TMTC1: variants seen among roughly 807,000 people sequenced by gnomAD.
TMTC1 encodes protein O-mannosyl-transferase TMTC1.
Under a neutral mutation model 104.8 loss-of-function variants are expected in TMTC1, and 73 were observed. That is an observed-to-expected ratio of 0.70 (90% CI 0.58 to 0.85). The LOEUF (loss-of-function observed/expected upper bound fraction) is 0.85, where lower values mean the gene tolerates loss of function less well. TMTC1 is among the 40% of genes least tolerant of loss of function. TMTC1 has a pLI of 0.00. For missense variants in TMTC1, 1,035 were observed against 1,096.1 expected (o/e 0.94, Z 0.79); for synonymous variants, 434 against 428.7 (o/e 1.01, Z -0.15).
In TMTC1 at chr12:29,613,903, C is replaced by A; in HGVS notation, c.1129-9604G>T. ...TTTTACTTTTTCACAAAGCAAGTCA[C>A]ACTCACCAAAATGCATGATTCATCT... On this transcript the variant is annotated intron_variant, in intron 6 of 17. Transcript: ENST00000539277. The A allele has an allele frequency of 4.1e-6, 4 of 969,878 alleles. No homozygotes were observed. In the South Asian group the frequency reaches 1.9e-4, roughly 46 times the overall value. The allele number at this position is 969,878 out of a possible 1,614,324, so 60.1% of individuals were successfully genotyped here. A position where few individuals can be genotyped will look rare whatever the true frequency, so the allele number is the denominator to read the frequency against.
At chr12:29,592,062 T>C (rs1470789124) in intron 7 of TMTC1, among the ~76,000 whole-genome samples, 1 of 152,192 alleles carries the variant, frequency 6.6e-6, no homozygotes, top group Non-Finnish European at 1.5e-5. Flanking sequence ...ACAAAGAGTA[T>C]CTTTCTGCTA....
At chr12:29,773,320 G>T (rs1305100832) in intron 1 of TMTC1, among the ~76,000 whole-genome samples, 2 of 152,182 alleles carry the variant, frequency 1.3e-5, no homozygotes, top group Non-Finnish European at 2.9e-5. Context: ...AGAAAGAGTT[G>T]TTGGCTGCCC....
intron 5 of TMTC1, among the ~76,000 whole-genome samples, chr12:29,747,426 T>C (rs1354508684): frequency 6.6e-6 from 1 of 152,168 alleles, no homozygotes; most frequent in Non-Finnish European, 1.5e-5. Flanking sequence ...CACATAAAAA[T>C]AGGCAAACTA....
intron 7 of TMTC1, among the ~76,000 whole-genome samples, chr12:29,587,799 C>T (rs992065996): frequency 1.3e-5 from 2 of 152,106 alleles, no homozygotes; most frequent in Non-Finnish European, 2.9e-5. Context: ...CTGGCAATAT[C>T]CTAGGCACTA....
chr12:29,634,579 G>A (rs530100173), intron 5 of TMTC1, among the ~76,000 whole-genome samples: 77 of 152,234 alleles, frequency 5.1e-4, no homozygotes, highest in African/African-American at 1.9e-3. Context: ...GAGTGAAATC[G>A]GTGTTCACTG....
At position 29,506,580 on chromosome 12, in the gene TMTC1, A is replaced by G; in HGVS notation, c.*266T>C. 2.4e-6 allele frequency: 1 copy of G among 411,584 alleles called. No homozygotes were observed. The highest frequency in any genetic ancestry group is 3.4e-5 in the South Asian group (1 of 29,138). The allele number at this position is 411,584 out of a possible 1,614,324, so 25.5% of individuals were successfully genotyped here. On this transcript the variant is annotated 3_prime_UTR_variant, in exon 18 of 18. Transcript: ENST00000539277. ...TATATCAAGAGAAATCTGGAGTTAA[A>G]CCAAACAAAAATCTGTAAAATGTGT...
rs567149812 is a variant in TMTC1, at chr12:29,548,463, G to A, written c.1676+8394C>T. Among the ~76,000 whole-genome samples the A allele has an allele frequency of 5.3e-5, 8 of 152,162 alleles. No individual in the cohort carries two copies. The South Asian group carries it at 1.5e-3, about 28-fold the overall frequency. ...CCCGGTGGGAAGTAATTGGATCATG[G>A]GGGCAGGTTTTCCCCATGTTGTTGC... On this transcript the variant is annotated intron_variant, in intron 10 of 17. Transcript: ENST00000539277.
At chr12:29,754,090 C>A (rs1592013869) in intron 4 of TMTC1, among the ~76,000 whole-genome samples, 1 of 151,728 alleles carries the variant, frequency 6.6e-6, no homozygotes, top group Non-Finnish European at 1.5e-5. Context: ...TGGTCTCTAT[C>A]TCCTGATCTC....
In TMTC1 at chr12:29,529,814, C is replaced by A. The variant is rs2288132; in HGVS notation, c.1785+6395G>T. The A allele has an allele frequency of 2.0e-5, 3 of 151,970 alleles. No individual in the cohort carries two copies. The East Asian group carries it at 5.8e-4, about 30-fold the overall frequency. 9.4% of individuals were successfully genotyped at this position (151,970 alleles called of 1,614,324 possible). On this transcript the variant is annotated intron_variant, in intron 11 of 17. Transcript: ENST00000539277. Reference sequence around the variant, plus strand: ...GAATCAATTAATCTGGCATTCTTCCCCACCAAGGAAATACAAGGTGTTTCC... The same window carrying A: ...GAATCAATTAATCTGGCATTCTTCCACACCAAGGAAATACAAGGTGTTTCC...
At chr12:29,637,149 CAAAG>C (rs1219985746) in intron 5 of TMTC1, among the ~76,000 whole-genome samples, 1 of 150,624 alleles carries the variant, frequency 6.6e-6, no homozygotes, top group African/African-American at 2.4e-5. Context: ...ACAACAAAAA[CAAAG>C]AAGCCATTTG....
Position 29,504,314 on chromosome 12 carries a change from T to G in TMTC1, c.*2532A>C, listed in dbSNP as rs1473458855. 1 of 151,130 alleles carries G rather than the reference T, an allele frequency of 6.6e-6. No individual in the cohort carries two copies. The highest frequency in any genetic ancestry group is 1.5e-5 in the Non-Finnish European group (1 of 67,850). The allele number at this position is 151,130 out of a possible 1,614,324, so 9.4% of individuals were successfully genotyped here. A position where few individuals can be genotyped will look rare whatever the true frequency, so the allele number is the denominator to read the frequency against. On this transcript the variant is annotated 3_prime_UTR_variant, in exon 18 of 18. Coordinates refer to ENST00000539277, the MANE Select transcript of TMTC1 (RefSeq NM_001193451.2). Reference sequence around the variant, plus strand: ...GGGCACTCCATTTTTATTATAAAGGTAAGTTCCATGTATTATTTCATGTTA... The same window carrying G: ...GGGCACTCCATTTTTATTATAAAGGGAAGTTCCATGTATTATTTCATGTTA...
rs530230960 is a variant in TMTC1 at position 29,720,607 on chromosome 12, T to C, written c.938+31059A>G. ...AGTGAAATTAGACTTAATTAAATTA[T>C]GGAGAATATAATATAAATGGACAAA... On this transcript the variant is annotated intron_variant, in intron 5 of 17. Coordinates refer to ENST00000539277, the MANE Select transcript of TMTC1 (RefSeq NM_001193451.2). Among the ~76,000 whole-genome samples the C allele has an allele frequency of 2.0e-5, 3 of 148,666 alleles. No individual in the cohort carries two copies. The East Asian group carries it at 5.9e-4, about 29-fold the overall frequency.
intron 16 of TMTC1, among the ~76,000 whole-genome samples, chr12:29,512,419 C>A (rs994304820): frequency 6.6e-6 from 1 of 152,078 alleles, no homozygotes; most frequent in Non-Finnish European, 1.5e-5. Flanking sequence ...CTGGCCTTGA[C>A]CTGCAAGAAA....
chr12:29,558,533 C>G (rs987015794), intron 9 of TMTC1, among the ~76,000 whole-genome samples: 1 of 152,260 alleles, frequency 6.6e-6, no homozygotes, highest in East Asian at 1.9e-4. Context: ...TCCAGGAAGG[C>G]ACTCTGTAAT....
At chr12:29,582,231 C>A (rs902330351) in intron 8 of TMTC1, among the ~76,000 whole-genome samples, 1 of 152,158 alleles carries the variant, frequency 6.6e-6, no homozygotes, top group African/African-American at 2.4e-5. Context: ...TTTGTTCTTT[C>A]ACTCATTCAT....
At chr12:29,522,497 C>T (rs1944198337) in intron 11 of TMTC1, among the ~76,000 whole-genome samples, 1 of 152,022 alleles carries the variant, frequency 6.6e-6, no homozygotes, top group African/African-American at 2.4e-5. Flanking sequence ...CAAAATATTT[C>T]CTTTCAATCT....
chr12:29,599,135 C>T (rs1022740165), intron 7 of TMTC1, among the ~76,000 whole-genome samples: 1 of 152,212 alleles, frequency 6.6e-6, no homozygotes, highest in African/African-American at 2.4e-5. Flanking sequence ...CTACCATCAA[C>T]TACTTCTGCT....
At chr12:29,686,163 T>C (rs1941087633) in intron 5 of TMTC1, among the ~76,000 whole-genome samples, 1 of 152,178 alleles carries the variant, frequency 6.6e-6, no homozygotes, top group African/African-American at 2.4e-5. Context: ...TTCATCAATC[T>C]CTACTCTCCT....
At chr12:29,626,808 T>C (rs1210019708) in intron 6 of TMTC1, among the ~76,000 whole-genome samples, 2 of 152,148 alleles carry the variant, frequency 1.3e-5, no homozygotes, top group Non-Finnish European at 2.9e-5. Context: ...TCACAAAAAT[T>C]AAAAACTTTT....
Sources: allele counts gnomAD v4.1 joint callset (sites outside exome capture counted in the v4.1 genomes callset), GRCh38; gene constraint gnomAD v4.1.1; transcripts MANE v1.5; gene names NCBI Gene and HGNC (gene_info 2026-07-23, HGNC 2026-07-21).